Variants in EEFSEC observed in about 807,000 individuals in gnomAD.
EEFSEC encodes the protein eukaryotic elongation factor, selenocysteine-tRNA specific.
A neutral mutation model predicts 42.1 loss-of-function variants in EEFSEC; 43 were observed. That is an observed-to-expected ratio of 1.02 (90% CI 0.80 to 1.32). EEFSEC has a LOEUF of 1.32. Among genes scored for constraint, EEFSEC ranks in the 40% most tolerant of loss-of-function variants. EEFSEC has a pLI of 0.00. For missense variants in EEFSEC, 745 were observed against 803.6 expected, an observed-to-expected ratio of 0.93 and a Z score of 0.88; for synonymous variants, 354 against 339.1, an observed-to-expected ratio of 1.04 and a Z score of -0.48.
chr3:128,236,306 G>A (rs780241275), intron 1 of EEFSEC, among the ~76,000 whole-genome samples: 1 of 152,148 alleles, frequency 6.6e-6, no homozygotes, highest in Non-Finnish European at 1.5e-5. Context: ...AGGTGACTCG[G>A]CCTCCTGTAT....
intron 1 of EEFSEC, among the ~76,000 whole-genome samples, chr3:128,243,787 G>A (rs2066098470): frequency 2.0e-5 from 3 of 152,144 alleles, no homozygotes; most frequent in South Asian, 4.1e-4. Flanking sequence ...GGGGGGAGGG[G>A]GAGAAATTGT....
chr3:128,153,617 A>G lies in EEFSEC; in HGVS notation c.110A>G (p.Asp37Gly). 4 of 1,596,504 alleles carry G rather than the reference A, an allele frequency of 2.5e-6. No individual in the cohort carries two copies. Among genetic ancestry groups the G allele is most frequent in the Non-Finnish European group, 3.4e-6 (4 of 1,177,230 alleles). ...ACCACAGCCTCCACCGCCGCCTTTG[A>G]CAAGCAGCCGCAGAGCCGCGAGCGC... is the stretch of plus-strand genomic sequence containing the variant. ...LSTTASTAAF[D>G]KQPQSRERGI... Residue 37 changes from aspartate to glycine, a missense_variant, in exon 1 of 7, where the codon GAC (aspartate) becomes GGC (glycine). Transcript: ENST00000254730.
At chr3:128,225,726 C>T (rs1349154051) in intron 1 of EEFSEC, among the ~76,000 whole-genome samples, 1 of 152,246 alleles carries the variant, frequency 6.6e-6, no homozygotes, top group Non-Finnish European at 1.5e-5. Flanking sequence ...GCATCCCCTT[C>T]CTCTCTCCTC....
intron 6 of EEFSEC, among the ~76,000 whole-genome samples, chr3:128,402,759 G>T (rs1420400992): frequency 1.3e-5 from 2 of 152,300 alleles, no homozygotes; most frequent in South Asian, 4.1e-4. Context: ...TCACCAGCCA[G>T]TGCTTAAACA....
intron 4 of EEFSEC, among the ~76,000 whole-genome samples, chr3:128,336,044 C>T (rs1054692951): frequency 1.3e-5 from 2 of 152,146 alleles, no homozygotes; most frequent in African/African-American, 4.8e-5. Context: ...ATGCTCCCAG[C>T]TCCAGTCTCC....
intron 4 of EEFSEC, among the ~76,000 whole-genome samples, chr3:128,301,787 G>T (rs1282375756): frequency 1.3e-5 from 2 of 152,132 alleles, no homozygotes; most frequent in African/African-American, 2.4e-5. Flanking sequence ...GTGCAGAAGG[G>T]ACTTACACAT....
chr3:128,270,091 C>T (rs556856183), intron 4 of EEFSEC, among the ~76,000 whole-genome samples: 1 of 152,208 alleles, frequency 6.6e-6, no homozygotes, highest in African/African-American at 2.4e-5. Flanking sequence ...GTGCTTGGCT[C>T]TGTCCAGGAC....
chr3:128,379,707 G>A (rs2067751337), intron 6 of EEFSEC, among the ~76,000 whole-genome samples: 1 of 152,194 alleles, frequency 6.6e-6, no homozygotes, highest in East Asian at 1.9e-4. Context: ...CTGTGATCTG[G>A]GAATGATTGA....
intron 1 of EEFSEC, among the ~76,000 whole-genome samples, chr3:128,170,886 A>G (rs2107775914): frequency 6.6e-6 from 1 of 152,362 alleles, no homozygotes; most frequent in Admixed American, 6.5e-5. Flanking sequence ...GATAAGAGTC[A>G]GTTATGTTTG....
chr3:128,198,162 A>C (rs2065605880), intron 1 of EEFSEC, among the ~76,000 whole-genome samples: 1 of 152,220 alleles, frequency 6.6e-6, no homozygotes, highest in Non-Finnish European at 1.5e-5. Flanking sequence ...ATGAAAGGGA[A>C]GGAGAAGAGA....
intron 6 of EEFSEC, among the ~76,000 whole-genome samples, chr3:128,399,897 G>A (rs2107634107): frequency 6.6e-6 from 1 of 152,260 alleles, no homozygotes; most frequent in South Asian, 2.1e-4. Flanking sequence ...GCAGGCAGAG[G>A]GGTCTGCATT....
At chr3:128,244,439 A>C (rs2066104961) in intron 1 of EEFSEC, among the ~76,000 whole-genome samples, 1 of 150,918 alleles carries the variant, frequency 6.6e-6, no homozygotes, top group African/African-American at 2.4e-5. Context: ...TAGTTAAAAA[A>C]CAGGGAGCCT....
At chr3:128,291,151 T>C (rs1180808446) in intron 4 of EEFSEC, among the ~76,000 whole-genome samples, 1 of 152,208 alleles carries the variant, frequency 6.6e-6, no homozygotes, top group Non-Finnish European at 1.5e-5. Context: ...GCTTGCTCTG[T>C]CATCCAGGCT....
At chr3:128,320,326 A>G (rs2066993426) in intron 4 of EEFSEC, among the ~76,000 whole-genome samples, 1 of 152,232 alleles carries the variant, frequency 6.6e-6, no homozygotes, top group Non-Finnish European at 1.5e-5. Flanking sequence ...TGAAGTTGGG[A>G]TGCTCATCTC....
At chr3:128,319,917 G>T (rs2066988895) in intron 4 of EEFSEC, among the ~76,000 whole-genome samples, 1 of 152,224 alleles carries the variant, frequency 6.6e-6, no homozygotes, top group African/African-American at 2.4e-5. Flanking sequence ...TCTGCCGCTG[G>T]CCCCTGGCGT....
At chr3:128,175,845 G>T (rs1336644813) in intron 1 of EEFSEC, among the ~76,000 whole-genome samples, 1 of 152,206 alleles carries the variant, frequency 6.6e-6, no homozygotes, top group South Asian at 2.1e-4. Flanking sequence ...TCGGTTAGAG[G>T]TTTGTGACAC....
At chr3:128,364,785 C>G (rs1394334893) in intron 6 of EEFSEC, among the ~76,000 whole-genome samples, 1 of 152,224 alleles carries the variant, frequency 6.6e-6, no homozygotes, top group Non-Finnish European at 1.5e-5. Flanking sequence ...AAGAGCACCT[C>G]CCAAACCCTG....
At chr3:128,398,026 G>A (rs1030275351) in intron 6 of EEFSEC, among the ~76,000 whole-genome samples, 1 of 152,266 alleles carries the variant, frequency 6.6e-6, no homozygotes, top group African/African-American at 2.4e-5. Flanking sequence ...TGTCAGCCTG[G>A]AGGAGGGTGA....
chr3:128,379,751 A>G (rs1399611568), intron 6 of EEFSEC, among the ~76,000 whole-genome samples: 1 of 152,258 alleles, frequency 6.6e-6, no homozygotes, highest in Non-Finnish European at 1.5e-5. Flanking sequence ...GAAACTGAGG[A>G]CTTTCCAAGA....
Sources: gnomAD v4.1 joint callset for allele counts (sites outside exome capture counted in the v4.1 genomes callset) on GRCh38, gnomAD v4.1.1 for gene constraint, MANE v1.5 for transcripts, NCBI Gene and HGNC (gene_info 2026-07-23, HGNC 2026-07-21) for gene names.